The following ADAM17 variants were observed in gnomAD, a reference collection of about 807,000 sequenced individuals.
ADAM17 encodes disintegrin and metalloproteinase domain-containing protein 17.
Under a neutral mutation model 96.7 loss-of-function variants are expected in ADAM17, and 39 were observed. That is an observed-to-expected ratio of 0.40 (90% CI 0.31 to 0.53). The LOEUF (loss-of-function observed/expected upper bound fraction) is 0.53. Among genes scored for constraint, ADAM17 ranks in the 20% least tolerant of loss-of-function variants. The pLI is 0.44. For missense variants in ADAM17, 777 were observed against 1,013.2 expected, an observed-to-expected ratio of 0.77 and a Z score of 3.17; for synonymous variants, 344 against 359.2, an observed-to-expected ratio of 0.96 and a Z score of 0.48.
At chr2:9,491,973 C>A (rs1182479790) in intron 17 of ADAM17, among the ~76,000 whole-genome samples, 1 of 152,232 alleles carries the variant, frequency 6.6e-6, no homozygotes, top group Admixed American at 6.5e-5. Flanking sequence ...AAGCTTCAAG[C>A]ACGTCACCTT....
At chr2:9,524,784 T>G (rs1206755145) in intron 6 of ADAM17, among the ~76,000 whole-genome samples, 1 of 152,160 alleles carries the variant, frequency 6.6e-6, no homozygotes, top group Non-Finnish European at 1.5e-5. Context: ...TTCTCTGATT[T>G]GGGAAAACTG....
Position 9,497,151 on chromosome 2 carries a change from G to A in ADAM17, c.1746C>T (p.Cys582=), listed in dbSNP as rs748758847. The A allele has an allele frequency of 2.1e-5, 34 of 1,613,970 alleles. No homozygotes were observed. Among genetic ancestry groups the A allele is most frequent in the African/African-American group, 1.9e-4 (14 of 74,906 alleles). ...KCKDGKCIPF[C]EREQQLESCA... Reference sequence around the variant, plus strand: ...AGGACTCCAGCTGCTGTTCCCTCTCGCAGAAAGGGATGCATTTCCCATCCT... The same window carrying A: ...AGGACTCCAGCTGCTGTTCCCTCTCACAGAAAGGGATGCATTTCCCATCCT... The change falls in exon 14 of 19, where the codon TGC becomes TGT. Residue 582 remains cysteine (C), a synonymous_variant. Coordinates refer to ENST00000310823, the MANE Select transcript of ADAM17 (RefSeq NM_003183.6).
intron 10 of ADAM17, among the ~76,000 whole-genome samples, chr2:9,515,859 T>C (rs1240506503): frequency 6.6e-6 from 1 of 152,210 alleles, no homozygotes; most frequent in Non-Finnish European, 1.5e-5. Flanking sequence ...ATAGCCTTGT[T>C]GGAATTGTGT....
At chr2:9,493,634 T>C (rs1662334273) in intron 16 of ADAM17, 113 bp downstream of exon 16, 3 of 840,908 alleles carry the variant, frequency 3.6e-6, no homozygotes, top group South Asian at 1.7e-5. Context: ...AAGCTGTGAA[T>C]AGTTCCACCT....
intron 12 of ADAM17, among the ~76,000 whole-genome samples, chr2:9,504,193 T>C (rs1266306287): frequency 4.0e-5 from 6 of 151,850 alleles, no homozygotes; most frequent in Non-Finnish European, 8.8e-5. Context: ...CCCTCTGTAA[T>C]CCCAGCACTT....
At chr2:9,544,377 A>T (rs2125041569) in intron 1 of ADAM17, among the ~76,000 whole-genome samples, 1 of 152,102 alleles carries the variant, frequency 6.6e-6, no homozygotes, top group South Asian at 2.1e-4. Context: ...TACTAAAAAT[A>T]CAAAATTAGC....
Position 9,521,335 on chromosome 2 carries a change from T to C in ADAM17, c.844-19A>G, listed in dbSNP as rs1558513619. 1 of 1,519,532 alleles carries C rather than the reference T, an allele frequency of 6.6e-7. No homozygotes were observed. Among genetic ancestry groups the C allele is most frequent in the Non-Finnish European group, 9.1e-7 (1 of 1,095,266 alleles). The allele number at this position is 1,519,532 out of a possible 1,614,324, so 94.1% of individuals were successfully genotyped here. ...TGCGAATCTATACTTAAAGAGATCA[T>C]ATACTTAGAACACTTCCAAAATAAG... On this transcript the variant is annotated intron_variant, in intron 7 of 18. Coordinates refer to ENST00000310823, the MANE Select transcript of ADAM17 (RefSeq NM_003183.6).
chr2:9,539,072 G>A (rs190412162), intron 2 of ADAM17, among the ~76,000 whole-genome samples: 6 of 151,800 alleles, frequency 4.0e-5, no homozygotes, highest in Admixed American at 3.9e-4. Flanking sequence ...TATATACTCC[G>A]CAGCTTTTTC....
Position 9,494,686 on chromosome 2 carries a change from A to T in ADAM17, c.1865T>A (p.Leu622Ter). The T allele has an allele frequency of 6.2e-7, 1 of 1,614,086 alleles. No individual in the cohort carries two copies. Among genetic ancestry groups the T allele is most frequent in the Non-Finnish European group, 8.5e-7 (1 of 1,179,990 alleles). The change falls in exon 15 of 19, where the codon TTA (leucine) becomes TAA (stop). Residue 622 changes from leucine (L) to a stop codon, truncating the protein, a stop_gained. Coordinates refer to ENST00000310823, the MANE Select transcript of ADAM17 (RefSeq NM_003183.6). LOFTEE classifies it high-confidence loss of function. ...ACAGGGCTTTCCTTTCCTCAAAAAT[A>T]AGTTCTTTTGTTCAGCATCGACATA... ...VPYVDAEQKN[L>*]FLRKGKPCTV... is the part of the protein sequence containing the mutation.
In ADAM17 at chr2:9,535,099, T is replaced by C. The variant is rs532068596; in HGVS notation, c.450+735A>G. Among the ~76,000 whole-genome samples, 6 of 152,334 alleles carry C rather than the reference T, an allele frequency of 3.9e-5. No homozygotes were observed. In the East Asian group the frequency reaches 1.2e-3, roughly 29 times the overall value. ...ATGTAGATTGGATATAATTAAAACATATAGTATATATAGCTCCAGCAGACT... is the reference window on the plus strand; with the variant it reads ...ATGTAGATTGGATATAATTAAAACACATAGTATATATAGCTCCAGCAGACT... On this transcript the variant is annotated intron_variant, in intron 4 of 18. Transcript: ENST00000310823.
At position 9,529,212 on chromosome 2, in the gene ADAM17, G is replaced by A. The variant is rs374082453; in HGVS notation, c.451-1258C>T. Among the ~76,000 whole-genome samples, 60 of 152,344 alleles carry A rather than the reference G, an allele frequency of 3.9e-4. 1 individual carries two copies. In the South Asian group the frequency reaches 0.012, roughly 31 times the overall value. ...TGTCTTTAATCCCAGCACTTCGGGA[G>A]GCCGAGGCAGGTGGATCACTTGAGG... On this transcript the variant is annotated intron_variant, in intron 4 of 18. Coordinates refer to ENST00000310823, the MANE Select transcript of ADAM17 (RefSeq NM_003183.6).
In ADAM17 at chr2:9,506,125, G is replaced by T. The variant is rs534649601; in HGVS notation, c.1345-760C>A. On this transcript the variant is annotated intron_variant, in intron 11 of 18. Transcript: ENST00000310823. ...AAAAAGAAGAGGCTTAGGGAAAACTGAGCATAGTTACTTCTTAGGTCGGGG... is the reference window on the plus strand; with the variant it reads ...AAAAAGAAGAGGCTTAGGGAAAACTTAGCATAGTTACTTCTTAGGTCGGGG... Among the ~76,000 whole-genome samples the T allele has an allele frequency of 2.0e-5, 3 of 152,156 alleles. No individual in the cohort carries two copies. In the South Asian group the frequency reaches 6.2e-4, roughly 32 times the overall value.
At chr2:9,509,842 G>A (rs926406917) in intron 11 of ADAM17, 137 bp downstream of exon 11, 26 of 1,137,730 alleles carry the variant, frequency 2.3e-5, no homozygotes, top group African/African-American at 1.4e-4. Context: ...ACACAACCAC[G>A]TTTCAAGGTA....
chr2:9,491,228 CCTAACA>C (rs1662117637), intron 17 of ADAM17, 77 bp from the exon 18 acceptor site: 3 of 1,331,206 alleles, frequency 2.3e-6, no homozygotes, highest in Non-Finnish European at 3.2e-6. Context: ...ACAGGCTATT[CCTAACA>C]CTAACTGAAG....
intron 12 of ADAM17, 61 bp downstream of exon 12, chr2:9,505,103 TTC>T: frequency 6.4e-7 from 1 of 1,551,004 alleles, no homozygotes; most frequent in Non-Finnish European, 8.9e-7. Flanking sequence ...AAGTTCAGTC[TTC>T]TCTTATTTTG....
intron 4 of ADAM17, among the ~76,000 whole-genome samples, chr2:9,528,650 G>T (rs994506166): frequency 6.6e-6 from 1 of 152,110 alleles, no homozygotes; most frequent in African/African-American, 2.4e-5. Context: ...TAAGAACACT[G>T]GTCTCATCAG....
At chr2:9,550,348 G>A (rs1665545739) in intron 1 of ADAM17, among the ~76,000 whole-genome samples, 1 of 151,866 alleles carries the variant, frequency 6.6e-6, no homozygotes, top group African/African-American at 2.4e-5. Flanking sequence ...CAGTAACCAG[G>A]ATGCAAGTTT....
rs1025064191 is a variant in ADAM17 at position 9,537,779 on chromosome 2, CAA to C, written c.231-953_231-952del. ...TTCCTCCTCAAAACAACATATCTTG[CAA>C]AAAAGTAACCCACAATTACAGTTAG... is the stretch of plus-strand genomic sequence containing the variant. On this transcript the variant is annotated intron_variant, in intron 2 of 18. Coordinates refer to ENST00000310823, the MANE Select transcript of ADAM17 (RefSeq NM_003183.6). 5.2e-4 allele frequency among the ~76,000 whole-genome samples: 77 copies of C among 149,204 alleles called. 1 individual carries two copies. The highest frequency in any genetic ancestry group is 1.9e-3 in the Admixed American group (28 of 14,696).
intron 2 of ADAM17, among the ~76,000 whole-genome samples, chr2:9,541,498 GGCTTCAGTGA>G (rs377755316): frequency 3.5e-4 from 53 of 152,330 alleles, no homozygotes; most frequent in African/African-American, 1.2e-3. Flanking sequence ...GAGAGGTGGA[GGCTTCAGTGA>G]GCTAAGATCG....
Sources: gnomAD v4.1 joint callset for allele counts (sites outside exome capture counted in the v4.1 genomes callset) on GRCh38, gnomAD v4.1.1 for gene constraint, MANE v1.5 for transcripts, NCBI Gene and HGNC (gene_info 2026-07-23, HGNC 2026-07-21) for gene names.